Variants in ARID3B observed in about 807,000 individuals in gnomAD.
The protein encoded by ARID3B is AT-rich interaction domain 3B, also known as AT-rich interactive domain-containing protein 3B.
A neutral mutation model predicts 51.9 loss-of-function variants in ARID3B; 10 were observed. The observed-to-expected ratio is 0.19, with a 90% CI of 0.12 to 0.33. The LOEUF (loss-of-function observed/expected upper bound fraction) is 0.33. Among genes scored for constraint, ARID3B ranks in the 10% least tolerant of loss-of-function variants. The probability of loss-of-function intolerance (pLI) is 1.00; values close to 1 mark genes in which losing one functional copy is unlikely to be tolerated. For missense variants in ARID3B, 483 were observed against 716.3 expected (o/e 0.67, Z 3.72); for synonymous variants, 205 against 279.5 (o/e 0.73, Z 2.66).
At chr15:74,587,979 C>T (rs2061787339) in intron 4 of ARID3B, among the ~76,000 whole-genome samples, 2 of 152,134 alleles carry the variant, frequency 1.3e-5, no homozygotes, top group South Asian at 2.1e-4. Flanking sequence ...CTGTGGCTCA[C>T]GCTGCAGTCC....
chr15:74,548,834 C>T (rs946055614), intron 2 of ARID3B, among the ~76,000 whole-genome samples: 1 of 152,114 alleles, frequency 6.6e-6, no homozygotes, highest in Non-Finnish European at 1.5e-5. Context: ...CTGGGAGAGA[C>T]AAAGGGAATG....
At position 74,591,217 on chromosome 15, in the gene ARID3B, G is replaced by C. The variant is rs771270878; in HGVS notation, c.948G>C (p.Gln316His). The C allele has an allele frequency of 3.7e-6, 6 of 1,613,638 alleles. No individual in the cohort carries two copies. The highest frequency in any genetic ancestry group is 5.1e-6 in the Non-Finnish European group (6 of 1,179,592). ...CCTTGAGTTCCCCAGCCGAGCTCCA[G>C]GCAGCAATTGATGGCAACCGCAGGG... ...KKALSSPAEL[Q>H]AAIDGNRREG... Residue 316 changes from glutamine to histidine, a missense_variant, in exon 6 of 9, where the codon CAG becomes CAC. Transcript: ENST00000346246. This position sits in a 1 kb window ranked among gnomAD's most constrained non-coding sequence, Gnocchi z 5.8.
chr15:74,554,449 T>C (rs2141450554), intron 2 of ARID3B, among the ~76,000 whole-genome samples: 1 of 152,208 alleles, frequency 6.6e-6, no homozygotes, highest in South Asian at 2.1e-4. Context: ...ATTACAAGCA[T>C]GCGCTACCAC....
intron 2 of ARID3B, among the ~76,000 whole-genome samples, chr15:74,568,157 C>T (rs1596256940): frequency 1.3e-5 from 2 of 152,162 alleles, no homozygotes; most frequent in African/African-American, 2.4e-5. Flanking sequence ...CCTGGGCAAG[C>T]ATTGTGTGAG....
At chr15:74,593,547 C>T (rs925245152) in intron 8 of ARID3B, among the ~76,000 whole-genome samples, 1 of 152,248 alleles carries the variant, frequency 6.6e-6, no homozygotes, top group Admixed American at 6.5e-5. Flanking sequence ...CAGCCTTTCT[C>T]TGACTGTAAT....
intron 4 of ARID3B, among the ~76,000 whole-genome samples, chr15:74,587,483 TA>T (rs2061785780): frequency 6.6e-6 from 1 of 152,100 alleles, no homozygotes; most frequent in South Asian, 2.1e-4. Flanking sequence ...GGAGCTAGTT[TA>T]GGGGAATGAA....
At chr15:74,568,495 C>T (rs1464113351) in intron 2 of ARID3B, among the ~76,000 whole-genome samples, 2 of 152,168 alleles carry the variant, frequency 1.3e-5, no homozygotes, top group Non-Finnish European at 2.9e-5. Context: ...ATTGTTTTCC[C>T]ATTTCTAAAA....
In ARID3B at chr15:74,596,466, C is replaced by T. The variant is rs1397720732; in HGVS notation, c.*692C>T. The T allele has an allele frequency of 4.3e-6, 1 of 233,488 alleles. No individual in the cohort carries two copies. Among genetic ancestry groups the T allele is most frequent in the Non-Finnish European group, 8.5e-6 (1 of 118,042 alleles). The allele number at this position is 233,488 out of a possible 1,614,324, so 14.5% of individuals were successfully genotyped here. A position where few individuals can be genotyped will look rare whatever the true frequency, so the allele number is the denominator to read the frequency against. On this transcript the variant is annotated 3_prime_UTR_variant, in exon 9 of 9. Transcript: ENST00000346246. ...AGGCAGAGCCTCGGGGCTGCCCAGC[C>T]CTGGCACCTGCTTCACACGGACCAT...
chr15:74,584,815 C>T (rs769364209), intron 4 of ARID3B, among the ~76,000 whole-genome samples: 2 of 152,232 alleles, frequency 1.3e-5, no homozygotes, highest in African/African-American at 2.4e-5. Context: ...CTAGTGCCAG[C>T]GCCCAGCGGC....
chr15:74,567,911 A>G (rs1277440288), intron 2 of ARID3B, among the ~76,000 whole-genome samples: 1 of 152,144 alleles, frequency 6.6e-6, no homozygotes, highest in Non-Finnish European at 1.5e-5. Flanking sequence ...TCTAATTTTG[A>G]GTAGCAGTCA....
At position 74,595,606 on chromosome 15, in the gene ARID3B, C is replaced by A. The variant is rs753775629; in HGVS notation, c.1520-5C>A. 19 of 1,612,266 alleles carry A rather than the reference C, an allele frequency of 1.2e-5. No individual in the cohort carries two copies. The highest frequency in any genetic ancestry group is 1.5e-5 in the Non-Finnish European group (18 of 1,178,824). On this transcript the variant is annotated splice_polypyrimidine_tract_variant and splice_region_variant and intron_variant, in intron 8 of 8. Transcript: ENST00000346246. ...CCCACACTTGCTTCTCTTCCACCCA[C>A]CAAGGTGTGCTGTTTGCCCAGAAGC...
intron 1 of ARID3B, 44 bp downstream of exon 1, chr15:74,541,374 G>A (rs1202564511): frequency 6.6e-6 from 1 of 152,454 alleles, no homozygotes; most frequent in Non-Finnish European, 1.5e-5. Flanking sequence ...GGCGGGAGAG[G>A]AGGCTGCGAC....
intron 4 of ARID3B, among the ~76,000 whole-genome samples, chr15:74,579,310 C>G (rs537775966): frequency 1.3e-5 from 2 of 152,302 alleles, no homozygotes; most frequent in African/African-American, 2.4e-5. Flanking sequence ...GCAGAGCAAC[C>G]TGCGCATAAA....
chr15:74,593,800 G>A lies in ARID3B; in HGVS notation c.1519+564G>A, dbSNP rs1021482889. On this transcript the variant is annotated intron_variant, in intron 8 of 8. Transcript: ENST00000346246. ...TGATGCCTGTAATCCTTGCACTTTG[G>A]GAGGCTGAGGCAAGAGGACCACTTG... Among the ~76,000 whole-genome samples, 11 of 152,162 alleles carry A rather than the reference G, an allele frequency of 7.2e-5. 1 individual carries two copies. The South Asian group carries it at 2.3e-3, about 32-fold the overall frequency.
chr15:74,583,754 AT>A (rs562709730), intron 4 of ARID3B, among the ~76,000 whole-genome samples: 2 of 151,094 alleles, frequency 1.3e-5, no homozygotes, highest in Non-Finnish European at 2.9e-5. Flanking sequence ...GATCTGAGGG[AT>A]GGTTGTGGAG....
At chr15:74,563,342 A>G (rs2061686067) in intron 2 of ARID3B, among the ~76,000 whole-genome samples, 1 of 152,198 alleles carries the variant, frequency 6.6e-6, no homozygotes, top group Non-Finnish European at 1.5e-5. Context: ...TTTAAACACA[A>G]ACTGTGACTG....
intron 1 of ARID3B, among the ~76,000 whole-genome samples, chr15:74,541,969 G>T (rs146879538): frequency 1.3e-5 from 2 of 152,282 alleles, no homozygotes; most frequent in East Asian, 3.9e-4. Context: ...CGGGAAAATG[G>T]GCTCTTTGGG....
At chr15:74,588,072 C>T (rs1456459830) in intron 4 of ARID3B, among the ~76,000 whole-genome samples, 1 of 152,058 alleles carries the variant, frequency 6.6e-6, no homozygotes, top group Non-Finnish European at 1.5e-5. Context: ...AAGATCCTGT[C>T]TCTACAGAAA....
chr15:74,552,157 G>T (rs2061640028), intron 2 of ARID3B, among the ~76,000 whole-genome samples: 1 of 141,698 alleles, frequency 7.1e-6, no homozygotes, highest in South Asian at 2.4e-4. Flanking sequence ...CGCCTCCCGG[G>T]TTCAAGCGAT....
Sources: gnomAD v4.1 joint callset for allele counts (sites outside exome capture counted in the v4.1 genomes callset) on GRCh38, gnomAD v4.1.1 for gene constraint, Gnocchi (gnomAD v3.1) non-coding constraint, MANE v1.5 for transcripts, NCBI Gene and HGNC (gene_info 2026-07-23, HGNC 2026-07-21) for gene names.